The following SNX29 variants were observed in gnomAD, a reference collection of about 807,000 sequenced individuals.
SNX29 encodes the protein sorting nexin-29.
A neutral mutation model predicts 102.1 loss-of-function variants in SNX29; 78 were observed. The ratio of observed to expected loss-of-function variants is 0.76; its 90% CI spans 0.64 to 0.92. SNX29 has a LOEUF of 0.92. Among genes scored for constraint, SNX29 ranks in the 40% least tolerant of loss-of-function variants. The pLI is 0.00. For missense variants in SNX29, 1,280 were observed against 1,061.7 expected (o/e 1.21, Z -2.86); for synonymous variants, 580 against 414.5 (o/e 1.40, Z -4.85).
chr16:11,988,905 A>G (rs899363830), intron 1 of SNX29, among the ~76,000 whole-genome samples: 2 of 152,178 alleles, frequency 1.3e-5, no homozygotes, highest in Non-Finnish European at 2.9e-5. Flanking sequence ...CAGAGAGTGT[A>G]TGGCCTGCAA....
intron 18 of SNX29, among the ~76,000 whole-genome samples, chr16:12,455,735 A>G (rs1456460425): frequency 6.6e-6 from 1 of 152,212 alleles, no homozygotes; most frequent in African/African-American, 2.4e-5. Context: ...CTTGGTCTTG[A>G]CTGTCAGAAG....
chr16:12,139,259 G>A (rs1003961727), intron 13 of SNX29, among the ~76,000 whole-genome samples: 6 of 148,586 alleles, frequency 4.0e-5, no homozygotes, highest in African/African-American at 1.2e-4. Flanking sequence ...CTGCCTGATC[G>A]TGAGACCGAT....
At chr16:12,059,056 A>G (rs2050654813) in intron 8 of SNX29, among the ~76,000 whole-genome samples, 1 of 152,060 alleles carries the variant, frequency 6.6e-6, no homozygotes, top group African/African-American at 2.4e-5. Flanking sequence ...AATGTGAGCC[A>G]CTGGCCTGGC....
At chr16:12,437,207 C>T (rs1033317545) in intron 18 of SNX29, among the ~76,000 whole-genome samples, 3 of 152,214 alleles carry the variant, frequency 2.0e-5, no homozygotes, top group Non-Finnish European at 4.4e-5. Context: ...TTTCTCTTTG[C>T]TTTTCCTCCT....
At chr16:12,067,187 A>G (rs1009910164) in intron 9 of SNX29, among the ~76,000 whole-genome samples, 1 of 152,004 alleles carries the variant, frequency 6.6e-6, no homozygotes, top group Non-Finnish European at 1.5e-5. Context: ...TGCCTCTAAA[A>G]AAAGCGGGAG....
At chr16:12,024,225 G>A (rs1465938047) in intron 3 of SNX29, among the ~76,000 whole-genome samples, 2 of 150,464 alleles carry the variant, frequency 1.3e-5, no homozygotes, top group African/African-American at 2.5e-5. Context: ...GGCAACCTCC[G>A]CCTCCCGGAT....
chr16:12,508,965 G>C (rs776755639), intron 19 of SNX29, among the ~76,000 whole-genome samples: 1 of 152,192 alleles, frequency 6.6e-6, no homozygotes, highest in East Asian at 1.9e-4. Flanking sequence ...ATGTCGTTCA[G>C]GTTGGAGATA....
At chr16:12,164,352 G>A (rs960395488) in intron 13 of SNX29, among the ~76,000 whole-genome samples, 2 of 152,162 alleles carry the variant, frequency 1.3e-5, no homozygotes, top group Admixed American at 6.6e-5. Flanking sequence ...TAGTTATGCT[G>A]GTTTAAGAAA....
chr16:12,391,469 G>A (rs2083526974), intron 16 of SNX29, among the ~76,000 whole-genome samples: 1 of 152,150 alleles, frequency 6.6e-6, no homozygotes, highest in Non-Finnish European at 1.5e-5. Context: ...CAGCATGGTG[G>A]AACAAAAACT....
intron 13 of SNX29, among the ~76,000 whole-genome samples, chr16:12,180,083 C>T (rs2076348426): frequency 6.6e-6 from 1 of 152,058 alleles, no homozygotes. Flanking sequence ...GGTTTCTTCT[C>T]CAGGGGCTTC....
intron 8 of SNX29, among the ~76,000 whole-genome samples, chr16:12,054,986 C>G (rs1229510724): frequency 6.6e-6 from 1 of 152,136 alleles, no homozygotes; most frequent in Non-Finnish European, 1.5e-5. Context: ...GTTAGGGCAG[C>G]TTTTCAGCAG....
At chr16:12,178,792 A>G (rs1033033267) in intron 13 of SNX29, among the ~76,000 whole-genome samples, 1 of 152,168 alleles carries the variant, frequency 6.6e-6, no homozygotes, top group Non-Finnish European at 1.5e-5. Flanking sequence ...ACAGTTGTGC[A>G]TGTGTGACTT....
intron 4 of SNX29, among the ~76,000 whole-genome samples, chr16:12,035,397 A>G (rs2057447573): frequency 6.6e-6 from 1 of 151,972 alleles, no homozygotes; most frequent in Non-Finnish European, 1.5e-5. Flanking sequence ...CTACTCTTTA[A>G]TAAAGGAGGT....
intron 18 of SNX29, among the ~76,000 whole-genome samples, chr16:12,474,447 CG>C (rs2087498209): frequency 6.6e-6 from 1 of 151,968 alleles, no homozygotes; most frequent in African/African-American, 2.4e-5. Flanking sequence ...CCTGGGATTG[CG>C]CATGTGTGTT....
intron 11 of SNX29, chr16:12,087,899 T>A (rs750064514): frequency 4.4e-6 from 2 of 456,698 alleles, no homozygotes; most frequent in Non-Finnish European, 8.8e-6. Flanking sequence ...GCAACCTGAT[T>A]CCTGCTGGTG....
chr16:12,234,635 A>T (rs962626636), intron 14 of SNX29, among the ~76,000 whole-genome samples: 2 of 152,038 alleles, frequency 1.3e-5, no homozygotes, highest in African/African-American at 4.8e-5. Context: ...TTGTCTTTAA[A>T]GCAGTGTTTC....
chr16:12,345,063 A>G (rs1047124363), intron 15 of SNX29, among the ~76,000 whole-genome samples: 4 of 152,184 alleles, frequency 2.6e-5, no homozygotes, highest in East Asian at 1.9e-4. Context: ...TGACCCTCCC[A>G]TAATCCATGC....
intron 15 of SNX29, among the ~76,000 whole-genome samples, chr16:12,350,707 A>C (rs899058882): frequency 6.6e-6 from 1 of 152,226 alleles, no homozygotes; most frequent in African/African-American, 2.4e-5. Flanking sequence ...CTGCCGTTCA[A>C]AGCTGAGTCT....
intron 4 of SNX29, among the ~76,000 whole-genome samples, chr16:12,030,117 T>A (rs1223308926): frequency 6.6e-6 from 1 of 152,212 alleles, no homozygotes; most frequent in African/African-American, 2.4e-5. Flanking sequence ...TGCCATAGCC[T>A]CTTGGCACAC....
Sources: allele counts gnomAD v4.1 joint callset (sites outside exome capture counted in the v4.1 genomes callset), GRCh38; gene constraint gnomAD v4.1.1; transcripts MANE v1.5; gene names NCBI Gene and HGNC (gene_info 2026-07-23, HGNC 2026-07-21).